TXNRD1: variants seen among roughly 807,000 people sequenced by gnomAD.
TXNRD1 encodes the protein thioredoxin reductase 1, also known as thioredoxin reductase 1, cytoplasmic.
TXNRD1 carries 57 observed loss-of-function variants against 80.3 expected under a neutral mutation model. The ratio of observed to expected loss-of-function variants is 0.71; its 90% CI spans 0.57 to 0.89. TXNRD1 has a LOEUF of 0.89. Among genes scored for constraint, TXNRD1 ranks in the 40% least tolerant of loss-of-function variants. The pLI is 0.00. For synonymous variants in TXNRD1, 291 were observed against 285.2 expected (o/e 1.02, Z -0.20); for missense variants, 730 against 803.0 (o/e 0.91, Z 1.10).
intron 7 of TXNRD1, among the ~76,000 whole-genome samples, chr12:104,318,464 T>C (rs1256747062): frequency 1.3e-5 from 2 of 152,190 alleles, no homozygotes; most frequent in Admixed American, 1.3e-4. Context: ...TTAATAAAGC[T>C]TTATTTACAA....
intron 3 of TXNRD1, among the ~76,000 whole-genome samples, chr12:104,267,283 C>CT (rs1555209188): frequency 1.8e-3 from 210 of 119,140 alleles, no homozygotes; most frequent in East Asian, 7.3e-3. Context: ...TTCTTTCTTT[C>CT]CTCTTTCTGT....
Position 104,288,997 on chromosome 12 carries a change from T to C in TXNRD1, c.371T>C (p.Phe124Ser), listed in dbSNP as rs1053379083. 3.1e-6 allele frequency: 5 copies of C among 1,613,890 alleles called. No homozygotes were observed. The African/African-American group carries it at 6.7e-5, about 22-fold the overall frequency. ...LAAETDLPVV[F>S]VKQRKIGGHG... ...GCGGAAACCGATCTGCCCGTTGTGT[T>C]TGTGAAACAGAGAAAGATAGGCGGC... The change falls in exon 4 of 17, where the codon TTT becomes TCT. Residue 124 changes from phenylalanine to serine, a missense_variant. By Grantham distance (155) the Phe-to-Ser change is radical. Transcript: ENST00000525566.
intron 4 of TXNRD1, among the ~76,000 whole-genome samples, chr12:104,307,345 G>A (rs972626751): frequency 6.6e-6 from 1 of 152,158 alleles, no homozygotes. Context: ...GGAGATTGAC[G>A]CAGGGAAGCT....
At chr12:104,339,417 T>G (rs1256321705) in intron 16 of TXNRD1, 144 bp downstream of exon 16, 7 of 1,194,980 alleles carry the variant, frequency 5.9e-6, no homozygotes, top group Non-Finnish European at 8.6e-6. Flanking sequence ...AAATTAGTTT[T>G]TGTCTTTCAA....
intron 3 of TXNRD1, among the ~76,000 whole-genome samples, chr12:104,276,387 G>A (rs1446380179): frequency 4.6e-5 from 7 of 152,186 alleles, no homozygotes; most frequent in Admixed American, 4.6e-4. Flanking sequence ...GAGCCTTTGG[G>A]CAGTGTGCTG....
At chr12:104,241,643 C>T (rs2032869624) in intron 1 of TXNRD1, among the ~76,000 whole-genome samples, 1 of 152,238 alleles carries the variant, frequency 6.6e-6, no homozygotes, top group Non-Finnish European at 1.5e-5. Context: ...GCTGGGTTTA[C>T]AGGCGTGAAC....
chr12:104,302,582 T>G (rs910495417), intron 4 of TXNRD1, among the ~76,000 whole-genome samples: 4 of 134,298 alleles, frequency 3.0e-5, no homozygotes, highest in South Asian at 5.2e-4. Context: ...CTCCGCCTCC[T>G]GGGTTCACGC....
Position 104,307,308 on chromosome 12 carries a change from G to T in TXNRD1, c.415-3982G>T, listed in dbSNP as rs560442330. Among the ~76,000 whole-genome samples the T allele has an allele frequency of 2.6e-5, 4 of 152,334 alleles. No homozygotes were observed. The South Asian group carries it at 8.3e-4, about 32-fold the overall frequency. On this transcript the variant is annotated intron_variant, in intron 4 of 16. Transcript: ENST00000525566. ...CTGTCTATATACTGGATCAAGATTT[G>T]TTAGGAAGAGGGCATTTCAAAATAG...
intron 9 of TXNRD1, among the ~76,000 whole-genome samples, chr12:104,320,612 T>C (rs748944505): frequency 6.6e-6 from 1 of 152,214 alleles, no homozygotes; most frequent in Non-Finnish European, 1.5e-5. Flanking sequence ...GTTCTACTCC[T>C]TATAGTTGGC....
intron 5 of TXNRD1, among the ~76,000 whole-genome samples, chr12:104,312,416 A>G (rs1227851615): frequency 6.6e-6 from 1 of 152,350 alleles, no homozygotes; most frequent in East Asian, 1.9e-4. Context: ...TCCCTAAGGT[A>G]TAGCTTGTGC....
intron 1 of TXNRD1, among the ~76,000 whole-genome samples, chr12:104,242,001 G>A (rs566773759): frequency 1.4e-5 from 2 of 140,684 alleles, no homozygotes; most frequent in South Asian, 2.3e-4. Context: ...TGCAGGGCAC[G>A]ATCTCAGCTC....
chr12:104,248,348 G>A lies in TXNRD1; in HGVS notation c.92-3179G>A, dbSNP rs552426291. Among the ~76,000 whole-genome samples the A allele has an allele frequency of 5.1e-4, 78 of 152,258 alleles. No individual in the cohort carries two copies. In the South Asian group the frequency reaches 0.012, roughly 24 times the overall value. ...TGCCCAGGCTGGAGTGCAGTGGTGC[G>A]ATCTTGGCTCACTGCAACCTCCACC... On this transcript the variant is annotated intron_variant, in intron 1 of 16. Transcript: ENST00000525566.
At chr12:104,295,249 G>A (rs1233190312) in intron 4 of TXNRD1, among the ~76,000 whole-genome samples, 1 of 152,132 alleles carries the variant, frequency 6.6e-6, no homozygotes, top group Admixed American at 6.6e-5. Context: ...TAATAGTAGC[G>A]TCAAAATTCT....
chr12:104,282,489 A>G (rs2033898680), intron 3 of TXNRD1, among the ~76,000 whole-genome samples: 1 of 152,126 alleles, frequency 6.6e-6, no homozygotes. Flanking sequence ...TTTCTTCCCT[A>G]GGTACTCTCA....
chr12:104,234,130 G>A (rs532079914), intron 1 of TXNRD1, among the ~76,000 whole-genome samples: 65 of 152,234 alleles, frequency 4.3e-4, no homozygotes, highest in African/African-American at 1.5e-3. Flanking sequence ...AAGGAACAAA[G>A]CAAGACAATT....
At chr12:104,300,607 T>C (rs979479719) in intron 4 of TXNRD1, among the ~76,000 whole-genome samples, 1 of 152,210 alleles carries the variant, frequency 6.6e-6, no homozygotes, top group Admixed American at 6.5e-5. Context: ...CTTTATATGA[T>C]TGGGGAGAGT....
At position 104,258,084 on chromosome 12, in the gene TXNRD1, G is replaced by C. The variant is rs551559158; in HGVS notation, c.304+5G>C. On this transcript the variant is annotated splice_donor_5th_base_variant and intron_variant, in intron 3 of 16. Coordinates refer to ENST00000525566, the MANE Select transcript of TXNRD1 (RefSeq NM_001093771.3). ...TGCTTGAACTTGATCAAACAGGTAA[G>C]TTTCTGTTTAATATGTAAATCATAG... 1 of 1,539,572 alleles carries C rather than the reference G, an allele frequency of 6.5e-7. No individual in the cohort carries two copies. Among genetic ancestry groups the C allele is most frequent in the Non-Finnish European group, 8.8e-7 (1 of 1,136,424 alleles).
intron 12 of TXNRD1, among the ~76,000 whole-genome samples, chr12:104,327,292 C>T (rs903649193): frequency 6.6e-6 from 1 of 152,092 alleles, no homozygotes; most frequent in Non-Finnish European, 1.5e-5. Flanking sequence ...TCTCAGATTT[C>T]TTAGAGTTTT....
At chr12:104,346,213 A>T (rs578208454) in intron 16 of TXNRD1, 2 of 245,526 alleles carry the variant, frequency 8.1e-6, no homozygotes, top group African/African-American at 4.5e-5. Context: ...GGGTCGCATT[A>T]TGTTGCCCAG....
Sources: allele counts gnomAD v4.1 joint callset (sites outside exome capture counted in the v4.1 genomes callset), GRCh38; gene constraint gnomAD v4.1.1; transcripts MANE v1.5; gene names NCBI Gene and HGNC (gene_info 2026-07-23, HGNC 2026-07-21).